The following MCF2L2 variants were observed in gnomAD, a reference collection of about 807,000 sequenced individuals.
MCF2L2 encodes MCF.2 cell line derived transforming sequence-like 2.
In MCF2L2, 102 loss-of-function variants were observed where a neutral mutation model predicts 150.2. That is an observed-to-expected ratio of 0.68 (90% CI 0.58 to 0.80). MCF2L2 has a LOEUF of 0.80. Ranked by LOEUF, MCF2L2 falls within the 30% of genes least tolerant of loss-of-function variation. The pLI is 0.00. For synonymous variants in MCF2L2, 465 were observed against 491.3 expected (o/e 0.95, Z 0.71); for missense variants, 1,256 against 1,372.8 (o/e 0.91, Z 1.34).
chr3:183,379,461 C>T (rs772402422), intron 2 of MCF2L2, 50 bp from the exon 3 acceptor site: 4 of 1,307,772 alleles, frequency 3.1e-6, no homozygotes, highest in Non-Finnish European at 4.4e-6. Context: ...TGTCCTGTCA[C>T]ACCTCTGCAG....
intron 9 of MCF2L2, chr3:183,310,596 A>G: frequency 3.1e-6 from 1 of 318,206 alleles, no homozygotes; most frequent in Non-Finnish European, 6.2e-6. Context: ...CCAGAAGATC[A>G]AAGCTGCAGT....
At chr3:183,421,525 C>T (rs1430626513) in intron 1 of MCF2L2, among the ~76,000 whole-genome samples, 1 of 152,208 alleles carries the variant, frequency 6.6e-6, no homozygotes, top group South Asian at 2.1e-4. Context: ...GAACTCCTGG[C>T]CTCAAGCAAT....
At chr3:183,408,176 C>A (rs1320615318) in intron 1 of MCF2L2, among the ~76,000 whole-genome samples, 3 of 152,126 alleles carry the variant, frequency 2.0e-5, no homozygotes, top group Non-Finnish European at 2.9e-5. Context: ...CACAACTAAA[C>A]CAACCAAGTG....
At chr3:183,337,910 T>C (rs1048215137) in intron 5 of MCF2L2, among the ~76,000 whole-genome samples, 2 of 152,212 alleles carry the variant, frequency 1.3e-5, no homozygotes, top group African/African-American at 2.4e-5. Context: ...TAAGAGTGCT[T>C]GTTTTCTCAT....
intron 7 of MCF2L2, among the ~76,000 whole-genome samples, chr3:183,317,606 C>T (rs961149579): frequency 3.3e-5 from 5 of 152,132 alleles, no homozygotes; most frequent in Non-Finnish European, 5.9e-5. Context: ...GCAATAAGTC[C>T]GCTTATTAGT....
intron 18 of MCF2L2, chr3:183,226,439 C>G (rs901318732): frequency 2.0e-5 from 3 of 150,862 alleles, no homozygotes; most frequent in Non-Finnish European, 4.4e-5. Context: ...GAGACTCCGT[C>G]TCAAGAAAAA....
intron 5 of MCF2L2, among the ~76,000 whole-genome samples, chr3:183,334,441 T>C (rs1305350419): frequency 6.6e-6 from 1 of 152,040 alleles, no homozygotes; most frequent in East Asian, 1.9e-4. Context: ...ATGAGCACCG[T>C]GGGCCTCCAG....
intron 25 of MCF2L2, 41 bp downstream of exon 25, chr3:183,205,835 C>T: frequency 6.8e-7 from 1 of 1,478,980 alleles, no homozygotes; most frequent in Non-Finnish European, 9.4e-7. Flanking sequence ...GAGCTGAAAT[C>T]AGTATAACTC....
At chr3:183,269,285 T>G in intron 15 of MCF2L2, among the ~76,000 whole-genome samples, 1 of 144,930 alleles carries the variant, frequency 6.9e-6, no homozygotes, top group African/African-American at 2.6e-5. Context: ...GTACTCTGAA[T>G]GGGAAGACAG....
chr3:183,400,486 C>T (rs749822098), intron 1 of MCF2L2: 8 of 456,424 alleles, frequency 1.8e-5, no homozygotes, highest in Non-Finnish European at 2.6e-5. Context: ...ATGCACCAGA[C>T]CACGACTGGA....
rs1729274334 is a variant in MCF2L2, at chr3:183,309,730, CCA to C, written c.1097_1098del (p.Leu366ArgfsTer44). ...VEQILKEHKK[L>X]EEKSQEPLEK... ...AGAAAGCAAACCTGGCTTTTTTCCT[CCA>C]GTTTTTTGTGTTCCTTAAGAATCTG... On this transcript the variant is annotated frameshift_variant, in exon 10 of 30. Coordinates refer to ENST00000328913, the MANE Select transcript of MCF2L2 (RefSeq NM_015078.4). LOFTEE classifies it high-confidence loss of function. 1.9e-6 allele frequency: 3 copies of C among 1,613,864 alleles called. No individual in the cohort carries two copies. In the African/African-American group the frequency reaches 4.0e-5, roughly 22 times the overall value.
chr3:183,247,028 G>C (rs1198463126), intron 15 of MCF2L2, among the ~76,000 whole-genome samples: 1 of 152,170 alleles, frequency 6.6e-6, no homozygotes, highest in Non-Finnish European at 1.5e-5. Context: ...TTGCAAGCAA[G>C]TGAATTCTCA....
At chr3:183,345,813 A>C (rs1468345475) in intron 3 of MCF2L2, among the ~76,000 whole-genome samples, 1 of 152,222 alleles carries the variant, frequency 6.6e-6, no homozygotes, top group Non-Finnish European at 1.5e-5. Context: ...TAAACTAGAA[A>C]ATCTAGAAGA....
chr3:183,219,900 C>T lies in MCF2L2; in HGVS notation c.2326G>A (p.Glu776Lys). 1.2e-6 allele frequency: 2 copies of T among 1,613,638 alleles called. No individual in the cohort carries two copies. The highest frequency in any genetic ancestry group is 1.7e-5 in the Admixed American group (1 of 60,012). Reference sequence around the variant, plus strand: ...TCACCTGGGTCTATCTCCATATCTTCAGGAGACTCGAAATCCAGCAGACCC... The same window carrying T: ...TCACCTGGGTCTATCTCCATATCTTTAGGAGACTCGAAATCCAGCAGACCC... ...LKGLLDFESP[E>K]DMEIDPGELG... Residue 776 changes from glutamate (E) to lysine (K), a missense_variant, in exon 21 of 30, where the codon GAA becomes AAA. Transcript: ENST00000328913.
chr3:183,365,185 C>T (rs1339712335), intron 3 of MCF2L2, among the ~76,000 whole-genome samples: 2 of 152,100 alleles, frequency 1.3e-5, no homozygotes, highest in Non-Finnish European at 2.9e-5. Context: ...CTGAAAGACA[C>T]AAAAGTAGAC....
chr3:183,376,334 C>T (rs1713186051), intron 3 of MCF2L2: 1 of 152,162 alleles, frequency 6.6e-6, no homozygotes, highest in East Asian at 1.9e-4. Context: ...GACTGTATCC[C>T]TGGGGATTAA....
At chr3:183,300,318 G>C (rs147517320) in intron 10 of MCF2L2, 122 bp from the exon 11 acceptor site, 21 of 883,630 alleles carry the variant, frequency 2.4e-5, no homozygotes, top group Admixed American at 3.4e-5. Flanking sequence ...CAGGATGAAG[G>C]CTGGAGAACC....
intron 11 of MCF2L2, chr3:183,299,514 G>C (rs1157056061): frequency 6.5e-6 from 1 of 154,178 alleles, no homozygotes; most frequent in Admixed American, 6.5e-5. Context: ...AGGTTGTCTT[G>C]AGGATTATAA....
intron 2 of MCF2L2, among the ~76,000 whole-genome samples, chr3:183,383,211 T>C (rs927374012): frequency 1.7e-5 from 2 of 118,626 alleles, no homozygotes; most frequent in African/African-American, 4.1e-5. Flanking sequence ...AGAATTTTTA[T>C]ATTTATTTAT....
Sources: allele counts gnomAD v4.1 joint callset (sites outside exome capture counted in the v4.1 genomes callset), GRCh38; gene constraint gnomAD v4.1.1; transcripts MANE v1.5; gene names NCBI Gene and HGNC (gene_info 2026-07-23, HGNC 2026-07-21).